The following ZNF331 variants were observed in gnomAD, a reference collection of about 807,000 sequenced individuals.
The protein encoded by ZNF331 is zinc finger protein 331.
In ZNF331, 2 loss-of-function variants were observed where a neutral mutation model predicts 7.0. The ratio of observed to expected loss-of-function variants is 0.29; its 90% CI spans 0.12 to 0.90. The LOEUF is 0.90. Among genes scored for constraint, ZNF331 ranks in the 40% least tolerant of loss-of-function variants. The pLI is 0.58. For synonymous variants in ZNF331, 196 were observed against 205.4 expected, an observed-to-expected ratio of 0.95 and a Z score of 0.39; for missense variants, 432 against 587.7, an observed-to-expected ratio of 0.74 and a Z score of 2.74.
the ZNF331 span, among the ~76,000 whole-genome samples, chr19:53,511,014 A>G: frequency 6.6e-6 from 1 of 152,276 alleles, no homozygotes; most frequent in Admixed American, 6.5e-5. Flanking sequence ...CATGGGTTCA[A>G]ACTGATTCCT....
At chr19:53,564,618 A>G (rs1359911351) in intron 3 of ZNF331, among the ~76,000 whole-genome samples, 2 of 152,184 alleles carry the variant, frequency 1.3e-5, no homozygotes, top group Non-Finnish European at 1.5e-5. Context: ...TTCCCTTGGT[A>G]ATTCATCAGA....
chr19:53,524,502 C>T (rs1336708657), intron 2 of ZNF331, among the ~76,000 whole-genome samples: 1 of 152,178 alleles, frequency 6.6e-6, no homozygotes, highest in Non-Finnish European at 1.5e-5. Context: ...ATTTGCATTT[C>T]TCTGATGACC....
At chr19:53,505,622 C>T in the ZNF331 span, among the ~76,000 whole-genome samples, 1 of 152,144 alleles carries the variant, frequency 6.6e-6, no homozygotes, top group African/African-American at 2.4e-5. Context: ...TGAAGTGTGG[C>T]TGCAAACAGG....
chr19:53,534,284 C>A (rs1244033654), upstream of ZNF331, among the ~76,000 whole-genome samples: 2 of 151,852 alleles, frequency 1.3e-5, no homozygotes, highest in African/African-American at 2.4e-5. Flanking sequence ...TAGCTCATGA[C>A]CCCATCCTAC....
chr19:53,544,337 A>C (rs1403038948), intron 2 of ZNF331, among the ~76,000 whole-genome samples: 2 of 151,572 alleles, frequency 1.3e-5, no homozygotes, highest in African/African-American at 4.8e-5. Flanking sequence ...CGAGGTCAGG[A>C]GATGGAGACC....
At chr19:53,541,205 T>C (rs61024853) in intron 2 of ZNF331, among the ~76,000 whole-genome samples, 6,940 of 151,524 alleles carry the variant, frequency 0.046, 218 homozygotes, top group East Asian at 0.13. Flanking sequence ...CCTCCTGGGT[T>C]CAAGCAATTC....
At chr19:53,565,856 CCTT>C (rs1394604699) in intron 3 of ZNF331, among the ~76,000 whole-genome samples, 1 of 152,074 alleles carries the variant, frequency 6.6e-6, no homozygotes, top group Non-Finnish European at 1.5e-5. Flanking sequence ...AAAAAAGAAA[CCTT>C]CTTTGTCTTT....
Position 53,571,750 on chromosome 19 carries a change from T to A in ZNF331, c.136+20T>A. On this transcript the variant is annotated intron_variant, in intron 5 of 5. Coordinates refer to ENST00000449416, the MANE Select transcript of ZNF331 (RefSeq NM_001079906.2). This position sits in a 1 kb window ranked among gnomAD's most constrained non-coding sequence, Gnocchi z 4.7. ...CACTGGGTGAGTTGCACGCCTCAGATAACTTAGACTGCCTCCTGGAATATC... is the reference window on the plus strand; with the variant it reads ...CACTGGGTGAGTTGCACGCCTCAGAAAACTTAGACTGCCTCCTGGAATATC... 1 of 1,588,610 alleles carries A rather than the reference T, an allele frequency of 6.3e-7. No homozygotes were observed. Among genetic ancestry groups the A allele is most frequent in the Non-Finnish European group, 8.6e-7 (1 of 1,166,892 alleles).
At chr19:53,548,442 A>T (rs1057457609) in intron 2 of ZNF331, among the ~76,000 whole-genome samples, 1 of 152,096 alleles carries the variant, frequency 6.6e-6, no homozygotes, top group African/African-American at 2.4e-5. Flanking sequence ...TTTTTTGTAG[A>T]TATGGGGTCT....
upstream of ZNF331, among the ~76,000 whole-genome samples, chr19:53,515,545 T>C (rs2086884527): frequency 6.6e-6 from 1 of 152,226 alleles, no homozygotes; most frequent in Non-Finnish European, 1.5e-5. Context: ...TTGCCCAGGC[T>C]GGAGTGCAAT....
At chr19:53,564,112 C>T (rs543433400) in intron 3 of ZNF331, among the ~76,000 whole-genome samples, 3 of 118,888 alleles carry the variant, frequency 2.5e-5, no homozygotes, top group Admixed American at 1.0e-4. Context: ...GAGTCTCACT[C>T]TGTTGCCCAG....
intron 2 of ZNF331, among the ~76,000 whole-genome samples, chr19:53,550,007 C>T (rs564962305): frequency 6.6e-6 from 1 of 152,212 alleles, no homozygotes; most frequent in Non-Finnish European, 1.5e-5. Flanking sequence ...TGTTTAGCAT[C>T]ATGTCGATTA....
At chr19:53,527,705 T>C (rs1329010003) in intron 2 of ZNF331, among the ~76,000 whole-genome samples, 1 of 152,178 alleles carries the variant, frequency 6.6e-6, no homozygotes, top group Non-Finnish European at 1.5e-5. Context: ...GTGAAAGAAA[T>C]CCAACCCAGC....
At chr19:53,545,155 T>G (rs2088509003) in intron 2 of ZNF331, among the ~76,000 whole-genome samples, 1 of 152,188 alleles carries the variant, frequency 6.6e-6, no homozygotes, top group South Asian at 2.1e-4. Context: ...ATAACTTACC[T>G]AGAAAAAAAT....
At chr19:53,559,311 C>T (rs2089663734) in intron 3 of ZNF331, among the ~76,000 whole-genome samples, 1 of 150,960 alleles carries the variant, frequency 6.6e-6, no homozygotes, top group Admixed American at 6.6e-5. Flanking sequence ...AAACACACCC[C>T]ATGTACACAC....
chr19:53,571,616 T>C lies in ZNF331; in HGVS notation c.22T>C (p.Phe8Leu). 1 of 1,614,056 alleles carries C rather than the reference T, an allele frequency of 6.2e-7. No individual in the cohort carries two copies. Among genetic ancestry groups the C allele is most frequent in the Non-Finnish European group, 8.5e-7 (1 of 1,180,002 alleles). Reference protein sequence around the residue: MAQGLVTFADVAIDFSQE... With the variant: MAQGLVTLADVAIDFSQE... Reference sequence around the variant, plus strand: ...GTTTCTGTTTCAGGGTTTGGTGACGTTCGCCGACGTAGCCATAGACTTTTC... The same window carrying C: ...GTTTCTGTTTCAGGGTTTGGTGACGCTCGCCGACGTAGCCATAGACTTTTC... The change falls in exon 5 of 6, where the codon TTC becomes CTC. Residue 8 changes from phenylalanine to leucine, a missense_variant. Physicochemically the swap from Phe to Leu is conservative, Grantham distance 22. This residue lies in a region of ZNF331 where 39 missense variants were observed against 68.8 expected (regional missense o/e 0.57). Transcript: ENST00000449416. This position sits in a 1 kb window ranked among gnomAD's most constrained non-coding sequence, Gnocchi z 4.7.
At chr19:53,507,534 C>A in the ZNF331 span, among the ~76,000 whole-genome samples, 1 of 152,154 alleles carries the variant, frequency 6.6e-6, no homozygotes, top group Non-Finnish European at 1.5e-5. Flanking sequence ...CGGTCTGAAG[C>A]AAAGCTATGG....
At chr19:53,508,360 C>G in the ZNF331 span, among the ~76,000 whole-genome samples, 5 of 152,198 alleles carry the variant, frequency 3.3e-5, no homozygotes, top group African/African-American at 1.2e-4. Flanking sequence ...GAAACTCATT[C>G]ATGTCACCTT....
upstream of ZNF331, among the ~76,000 whole-genome samples, chr19:53,515,115 G>A (rs758282876): frequency 1.3e-5 from 2 of 152,052 alleles, no homozygotes; most frequent in African/African-American, 4.8e-5. Flanking sequence ...AAGGACACAG[G>A]CTTATTGTAA....
Sources: allele counts gnomAD v4.1 joint callset (sites outside exome capture counted in the v4.1 genomes callset), GRCh38; gene constraint gnomAD v4.1.1; regional missense constraint gnomAD v4.1.1; non-coding constraint Gnocchi (gnomAD v3.1); transcripts MANE v1.5; gene names NCBI Gene and HGNC (gene_info 2026-07-23, HGNC 2026-07-21).